The following TMEM192 variants were observed in gnomAD, a reference collection of about 807,000 sequenced individuals.
TMEM192 encodes transmembrane protein 192.
Under a neutral mutation model 26.7 loss-of-function variants are expected in TMEM192, and 20 were observed. That is an observed-to-expected ratio of 0.75 (90% CI 0.53 to 1.09). The LOEUF (loss-of-function observed/expected upper bound fraction) is 1.09. TMEM192 is among the 50% of genes least tolerant of loss of function. TMEM192 has a pLI of 0.00. For synonymous variants in TMEM192, 124 were observed against 121.0 expected (o/e 1.02, Z -0.16); for missense variants, 304 against 322.6 (o/e 0.94, Z 0.44).
At chr4:165,087,711 G>A (rs1158829174) in intron 4 of TMEM192, among the ~76,000 whole-genome samples, 2 of 152,114 alleles carry the variant, frequency 1.3e-5, no homozygotes, top group Non-Finnish European at 2.9e-5. Context: ...AGGCCAAGGC[G>A]GGCGGATCAC....
chr4:165,074,169 T>C lies in TMEM192; in HGVS notation c.*5489A>G, dbSNP rs1370059846. On this transcript the variant is annotated 3_prime_UTR_variant, in exon 6 of 6. Transcript: ENST00000306480. ...CTGATAAGTTAAAAGAGGAGACGTA[T>C]GCATTCATCTCCAATTTAAGCAATG... 2 of 152,222 alleles carry C rather than the reference T, an allele frequency of 1.3e-5. No homozygotes were observed. The highest frequency in any genetic ancestry group is 2.4e-5 in the African/African-American group (1 of 41,536). The allele number at this position is 152,222 out of a possible 1,614,324, so 9.4% of individuals were successfully genotyped here.
chr4:165,102,923 T>C, intron 2 of TMEM192, 27 bp downstream of exon 2: 2 of 1,594,834 alleles, frequency 1.3e-6, no homozygotes, highest in Non-Finnish European at 1.7e-6. Context: ...CACCTCTGGA[T>C]AGGTCCCCTT....
chr4:165,105,461 G>A lies in TMEM192; in HGVS notation c.28-2365C>T, dbSNP rs533965828. 2.6e-5 allele frequency among the ~76,000 whole-genome samples: 4 copies of A among 152,240 alleles called. No individual in the cohort carries two copies. In the South Asian group the frequency reaches 8.3e-4, roughly 32 times the overall value. On this transcript the variant is annotated intron_variant, in intron 1 of 5. Coordinates refer to ENST00000306480, the MANE Select transcript of TMEM192 (RefSeq NM_001100389.2). ...TTTACCGCTTTCTAGCTGAGAGCAA[G>A]TTACTTCATCTCTCATGCCTCAGTT...
Position 165,079,614 on chromosome 4 carries a change from T to C in TMEM192, c.*44A>G, listed in dbSNP as rs151083192. On this transcript the variant is annotated 3_prime_UTR_variant, in exon 6 of 6. Coordinates refer to ENST00000306480, the MANE Select transcript of TMEM192 (RefSeq NM_001100389.2). ...TTGTCAGGTGGTCAGTCAGTCTCAA[T>C]TACTCTGGGTTCCTCTGCAATTGCT... The C allele has an allele frequency of 4.5e-6, 7 of 1,572,994 alleles. No homozygotes were observed. The highest frequency in any genetic ancestry group is 1.8e-5 in the Admixed American group (1 of 54,802).
chr4:165,094,260 C>A (rs1453682888), intron 3 of TMEM192, among the ~76,000 whole-genome samples: 2 of 152,128 alleles, frequency 1.3e-5, no homozygotes, highest in African/African-American at 2.4e-5. Context: ...TGGTCTGGAA[C>A]TCCTGGCCTC....
At chr4:165,098,591 C>A (rs1316580769) in intron 3 of TMEM192, among the ~76,000 whole-genome samples, 1 of 152,070 alleles carries the variant, frequency 6.6e-6, no homozygotes, top group African/African-American at 2.4e-5. Context: ...TGATTATAGG[C>A]ATGAGCCACC....
intron 1 of TMEM192, among the ~76,000 whole-genome samples, chr4:165,110,385 A>G (rs1275082850): frequency 6.6e-6 from 1 of 152,162 alleles, no homozygotes; most frequent in Non-Finnish European, 1.5e-5. Flanking sequence ...ATGGAACAAA[A>G]AACAGTTGGG....
intron 5 of TMEM192, among the ~76,000 whole-genome samples, chr4:165,082,555 G>A (rs72631699): frequency 0.2 from 7,778 of 38,956 alleles, 3,354 homozygotes; most frequent in East Asian, 0.32. Context: ...CTGCTAGTGT[G>A]GGTAGGTTGG....
At chr4:165,097,493 C>CA (rs60822491) in intron 3 of TMEM192, among the ~76,000 whole-genome samples, 1,154 of 58,388 alleles carry the variant, frequency 0.02, 43 homozygotes, top group African/African-American at 0.042. Context: ...GACTCCATCT[C>CA]AAAAAAAAAA....
chr4:165,089,020 A>G, intron 3 of TMEM192, among the ~76,000 whole-genome samples: 2 of 135,374 alleles, frequency 1.5e-5, no homozygotes, highest in African/African-American at 2.8e-5. Flanking sequence ...CAGCCTGGGC[A>G]ACAGAGCAAG....
chr4:165,103,859 G>A (rs552065710), intron 1 of TMEM192, among the ~76,000 whole-genome samples: 1 of 151,910 alleles, frequency 6.6e-6, no homozygotes, highest in Non-Finnish European at 1.5e-5. Context: ...GTAGAGGGAG[G>A]GTTTCACTGT....
intron 1 of TMEM192, among the ~76,000 whole-genome samples, chr4:165,109,873 G>A (rs1162143099): frequency 1.3e-5 from 2 of 152,110 alleles, no homozygotes; most frequent in East Asian, 3.8e-4. Context: ...TATAAAACTG[G>A]CCTTGTTAAG....
chr4:165,095,390 G>A (rs1036620840), intron 3 of TMEM192, among the ~76,000 whole-genome samples: 3 of 152,266 alleles, frequency 2.0e-5, no homozygotes, highest in East Asian at 1.9e-4. Flanking sequence ...CAGCTGCTCT[G>A]GCTTACCCCA....
Position 165,112,808 on chromosome 4 carries a change from C to T in TMEM192, c.-35G>A, listed in dbSNP as rs773664600. 1.7e-5 allele frequency: 27 copies of T among 1,601,642 alleles called. No individual in the cohort carries two copies. In the African/African-American group the frequency reaches 3.1e-4, roughly 18 times the overall value. ...CCGGAGGCCGAAGCCCTGGCCAGCC[C>T]GGCCTCTCCACCTGGACCTGTAAGC... On this transcript the variant is annotated 5_prime_UTR_variant, in exon 1 of 6. Transcript: ENST00000306480.
intron 1 of TMEM192, among the ~76,000 whole-genome samples, chr4:165,108,118 T>A: frequency 5.2e-5 from 1 of 19,162 alleles, no homozygotes; most frequent in Admixed American, 7.6e-4. Flanking sequence ...TTCCCTTTTT[T>A]TTTTTTTTTT....
At chr4:165,091,408 G>T (rs12510472) in intron 3 of TMEM192, among the ~76,000 whole-genome samples, 38,821 of 152,030 alleles carry the variant, frequency 0.26, 5,562 homozygotes, top group Admixed American at 0.39. Flanking sequence ...ACTATCTGAG[G>T]ATAGATGGTG....
chr4:165,092,518 CT>C (rs1734792630), intron 3 of TMEM192, among the ~76,000 whole-genome samples: 1 of 152,166 alleles, frequency 6.6e-6, no homozygotes, highest in Non-Finnish European at 1.5e-5. Context: ...TTTGCACCCC[CT>C]ACCACACACT....
intron 3 of TMEM192, among the ~76,000 whole-genome samples, chr4:165,096,051 C>T (rs1319539431): frequency 6.6e-6 from 1 of 151,682 alleles, no homozygotes; most frequent in African/African-American, 2.4e-5. Context: ...CCTGCCTCGA[C>T]CTCCCAAAGT....
Position 165,103,062 on chromosome 4 carries a change from T to C in TMEM192, c.62A>G (p.Asp21Gly). The change falls in exon 2 of 6, where the codon GAC becomes GGC. Residue 21 changes from aspartate (D) to glycine (G), a missense_variant. Transcript: ENST00000306480. ...SLDITQSIED[D>G]PLLDAQLLPH... ...GAGAAGCTGGGCATCCAGAAGTGGG[T>C]CGTCTTCAATACTCTGGGTGATATC... The C allele has an allele frequency of 6.2e-7, 1 of 1,613,330 alleles. No homozygotes were observed. The highest frequency in any genetic ancestry group is 8.5e-7 in the Non-Finnish European group (1 of 1,179,716).
Sources: gnomAD v4.1 joint callset for allele counts (sites outside exome capture counted in the v4.1 genomes callset) on GRCh38, gnomAD v4.1.1 for gene constraint, MANE v1.5 for transcripts, NCBI Gene and HGNC (gene_info 2026-07-23, HGNC 2026-07-21) for gene names.